LPCAT3: variants seen among roughly 807,000 people sequenced by gnomAD.
LPCAT3 encodes lysophospholipid acyltransferase 5.
A neutral mutation model predicts 63.4 loss-of-function variants in LPCAT3; 21 were observed. That is an observed-to-expected ratio of 0.33 (90% CI 0.23 to 0.48). The LOEUF (loss-of-function observed/expected upper bound fraction) is 0.48, where lower values mean the gene tolerates loss of function less well. Among genes scored for constraint, LPCAT3 ranks in the 20% least tolerant of loss-of-function variants. The pLI is 0.99. For missense variants in LPCAT3, 451 were observed against 590.6 expected (o/e 0.76, Z 2.45); for synonymous variants, 242 against 227.5 (o/e 1.06, Z -0.58).
intron 1 of LPCAT3, among the ~76,000 whole-genome samples, chr12:6,996,051 C>G (rs1946633296): frequency 6.6e-6 from 1 of 152,076 alleles, no homozygotes; most frequent in African/African-American, 2.4e-5. Context: ...CCTCTCAAGG[C>G]CTCTATTCTC....
chr12:6,983,504 A>G lies in LPCAT3; in HGVS notation c.187T>C (p.Phe63Leu), dbSNP rs34196984. 31,251 of 1,612,294 alleles carry G rather than the reference A, an allele frequency of 0.019. 453 individuals are homozygous for G. The highest frequency in any genetic ancestry group is 0.076 in the Middle Eastern group (461 of 6,056). ...PFALFYRHYL[F>L]YKETYLIHLF... ...TGGATGAGGTAGGTCTCCTTGTAGA[A>G]AAGGTAATGCCGATAAAACAAAGCA... is the stretch of plus-strand genomic sequence containing the variant. The change falls in exon 2 of 13, where the codon TTC becomes CTC. Residue 63 changes from phenylalanine (F) to leucine (L), a missense_variant. Transcript: ENST00000261407.
Position 6,977,998 on chromosome 12 carries a change from G to A in LPCAT3, c.1041-253C>T. 1 of 570,404 alleles carries A rather than the reference G, an allele frequency of 1.8e-6. No individual in the cohort carries two copies. The highest frequency in any genetic ancestry group is 2.0e-5 in the South Asian group (1 of 49,088). 35.3% of individuals were successfully genotyped at this position (570,404 alleles called of 1,614,324 possible). ...GTGACTGAGGCTGATGCTGAGATCA[G>A]TGGTGAACCAGACACTCTACTCAAG... On this transcript the variant is annotated intron_variant, in intron 9 of 12. Coordinates refer to ENST00000261407, the MANE Select transcript of LPCAT3 (RefSeq NM_005768.6). This position sits in a 1 kb window ranked among gnomAD's most constrained non-coding sequence, Gnocchi z 4.5.
At chr12:6,986,734 G>A (rs1946529644) in intron 1 of LPCAT3, among the ~76,000 whole-genome samples, 1 of 139,794 alleles carries the variant, frequency 7.2e-6, no homozygotes, top group Non-Finnish European at 1.5e-5. Flanking sequence ...AGTGAGCAGA[G>A]ATTGCAGTGA....
At chr12:7,008,073 T>C (rs1001654525) in intron 1 of LPCAT3, among the ~76,000 whole-genome samples, 1 of 152,120 alleles carries the variant, frequency 6.6e-6, no homozygotes, top group Non-Finnish European at 1.5e-5. Flanking sequence ...AGCTTCTGCT[T>C]GCAAAGGGAG....
intron 3 of LPCAT3, 54 bp downstream of exon 3, chr12:6,982,622 G>C: frequency 7.4e-7 from 1 of 1,353,448 alleles, no homozygotes; most frequent in Non-Finnish European, 1.1e-6. Flanking sequence ...GCCTACCCCT[G>C]TCCCCTGAAC....
chr12:6,977,153 A>G lies in LPCAT3; in HGVS notation c.1457T>C (p.Met486Thr), dbSNP rs919862335. The G allele has an allele frequency of 4.4e-6, 7 of 1,600,302 alleles. No homozygotes were observed. Among genetic ancestry groups the G allele is most frequent in the Admixed American group, 1.7e-5 (1 of 59,964 alleles). Residue 486 changes from methionine (M) to threonine (T), a missense_variant, in exon 12 of 13, where the codon ATG becomes ACG. Physicochemically the swap from Met to Thr is moderately conservative, Grantham distance 81. Coordinates refer to ENST00000261407, the MANE Select transcript of LPCAT3 (RefSeq NM_005768.6). The surrounding 1 kb of genome is among the most constrained non-coding windows in gnomAD (Gnocchi z 4.5). ...ACTTACCAGGGAAATGGATTATTCC[A>G]TCTTCTTTAACTTCTCTTTCCTTGG... ...MVPRKEKLKK[M>T]E
At chr12:7,001,269 C>T (rs1166494280) in intron 1 of LPCAT3, among the ~76,000 whole-genome samples, 2 of 152,022 alleles carry the variant, frequency 1.3e-5, no homozygotes, top group Non-Finnish European at 2.9e-5. Flanking sequence ...GAGCTAGCAA[C>T]GTGCTCACAT....
At chr12:7,014,815 C>T (rs2138363889) in intron 1 of LPCAT3, among the ~76,000 whole-genome samples, 1 of 150,422 alleles carries the variant, frequency 6.6e-6, no homozygotes, top group Middle Eastern at 3.4e-3. Context: ...ACTGCTTGAA[C>T]CTGGGAGGCG....
chr12:6,978,852 G>T, intron 7 of LPCAT3, 163 bp from the exon 8 acceptor site: 1 of 948,344 alleles, frequency 1.1e-6, no homozygotes, highest in Non-Finnish European at 1.5e-6. Flanking sequence ...AATAGGCAGA[G>T]AGGAATAAGC....
chr12:6,992,568 A>T (rs782721199), intron 1 of LPCAT3, among the ~76,000 whole-genome samples: 1 of 152,224 alleles, frequency 6.6e-6, no homozygotes, highest in Non-Finnish European at 1.5e-5. Flanking sequence ...TTTTTACCCC[A>T]AAGAGATTCC....
Position 6,979,464 on chromosome 12 carries a change from C to T in LPCAT3, c.786+7G>A. 6.3e-7 allele frequency: 1 copy of T among 1,588,378 alleles called. No individual in the cohort carries two copies. ...GTCATGCTGCTGCTGCTTTAGTAGACACTCACGTCATAGTCTTCAGTGAGG... is the reference window on the plus strand; with the variant it reads ...GTCATGCTGCTGCTGCTTTAGTAGATACTCACGTCATAGTCTTCAGTGAGG... On this transcript the variant is annotated splice_region_variant and intron_variant, in intron 7 of 12. Transcript: ENST00000261407.
At chr12:6,980,405 AGT>A (rs1804579660) in intron 6 of LPCAT3, among the ~76,000 whole-genome samples, 1 of 152,156 alleles carries the variant, frequency 6.6e-6, no homozygotes, top group Admixed American at 6.5e-5. Flanking sequence ...AATGGAGTGC[AGT>A]GGTGTGATCA....
chr12:6,978,539 C>T (rs1555153627), intron 8 of LPCAT3, 32 bp from the exon 9 acceptor site: 2 of 1,611,602 alleles, frequency 1.2e-6, no homozygotes, highest in Non-Finnish European at 1.7e-6. Flanking sequence ...AGGGCTCTTG[C>T]CACTCCCCAT....
chr12:6,981,128 G>C lies in LPCAT3; in HGVS notation c.553C>G (p.Leu185Val). The C allele has an allele frequency of 6.2e-7, 1 of 1,613,810 alleles. No homozygotes were observed. The highest frequency in any genetic ancestry group is 8.5e-7 in the Non-Finnish European group (1 of 1,179,882). Reference protein sequence around the residue: ...KYAIRGVPSLLEVAGFSYFYG... With the variant: ...KYAIRGVPSLVEVAGFSYFYG... ...AAGTAGGAGAAACCAGCAACTTCCA[G>C]CAGGGAAGGAACACCACGTATGGCA... Residue 185 changes from leucine (L) to valine (V), a missense_variant, in exon 6 of 13, where the codon CTG (leucine) becomes GTG (valine). This residue lies in a region of LPCAT3 where 304 missense variants were observed against 390.8 expected (regional missense o/e 0.78). Transcript: ENST00000261407.
chr12:7,012,760 A>G lies in LPCAT3; in HGVS notation c.151+5514T>C, dbSNP rs78746734. ...ATACCTGGAAGTGCCCTTGGAACCTAAAGTGAACCCCAAACCAGATCATTT... is the reference window on the plus strand; with the variant it reads ...ATACCTGGAAGTGCCCTTGGAACCTGAAGTGAACCCCAAACCAGATCATTT... On this transcript the variant is annotated intron_variant, in intron 1 of 12. Transcript: ENST00000261407. Among the ~76,000 whole-genome samples the G allele has an allele frequency of 8.8e-3, 1,340 of 152,264 alleles. 75 individuals carry two copies. The East Asian group carries it at 0.16, about 19-fold the overall frequency.
At chr12:6,995,797 A>G (rs1428299273) in intron 1 of LPCAT3, among the ~76,000 whole-genome samples, 1 of 152,080 alleles carries the variant, frequency 6.6e-6, no homozygotes, top group Non-Finnish European at 1.5e-5. Flanking sequence ...TGTCTGTTCT[A>G]CCTTCAAAAT....
intron 1 of LPCAT3, among the ~76,000 whole-genome samples, chr12:7,003,375 T>A (rs912131174): frequency 1.3e-5 from 2 of 151,348 alleles, no homozygotes; most frequent in African/African-American, 2.4e-5. Context: ...TTTTTTTTTT[T>A]AACATATGTT....
At chr12:6,994,166 A>G (rs782669120) in intron 1 of LPCAT3, among the ~76,000 whole-genome samples, 7 of 152,136 alleles carry the variant, frequency 4.6e-5, no homozygotes, top group East Asian at 1.9e-4. Context: ...TATGTTTTCA[A>G]TTCTCTTGGG....
intron 2 of LPCAT3, 80 bp downstream of exon 2, chr12:6,983,352 C>G (rs1045826161): frequency 2.2e-6 from 2 of 911,588 alleles, no homozygotes; most frequent in African/African-American, 3.3e-5. Flanking sequence ...CTATTAGATT[C>G]TCTCAAGGAA....
Sources: allele counts gnomAD v4.1 joint callset (sites outside exome capture counted in the v4.1 genomes callset), GRCh38; gene constraint gnomAD v4.1.1; regional missense constraint gnomAD v4.1.1; non-coding constraint Gnocchi (gnomAD v3.1); transcripts MANE v1.5; gene names NCBI Gene and HGNC (gene_info 2026-07-23, HGNC 2026-07-21).